The following SLC22A23 variants were observed in gnomAD, a reference collection of about 807,000 sequenced individuals.
SLC22A23 encodes solute carrier family 22 member 23.
Under a neutral mutation model 61.0 loss-of-function variants are expected in SLC22A23, and 26 were observed. The observed-to-expected ratio is 0.43, with a 90% confidence interval of 0.31 to 0.59. The LOEUF (loss-of-function observed/expected upper bound fraction) is 0.59. Among genes scored for constraint, SLC22A23 ranks in the 20% least tolerant of loss-of-function variants. The pLI, the probability that SLC22A23 is intolerant of heterozygous loss-of-function variation, is 0.11. For missense variants in SLC22A23, 796 were observed against 934.7 expected, an observed-to-expected ratio of 0.85 and a Z score of 1.94; for synonymous variants, 430 against 413.9, an observed-to-expected ratio of 1.04 and a Z score of -0.47.
Position 3,286,693 on chromosome 6 carries a change from C to T in SLC22A23, c.1546+166G>A, listed in dbSNP as rs757633064. ...CGGGAAGGCCCAGTGCCCTCTAAGG[C>T]GGGCTCCACAGATGCTCTCAACTGA... On this transcript the variant is annotated intron_variant, in intron 7 of 9. Coordinates refer to ENST00000406686, the MANE Select transcript of SLC22A23 (RefSeq NM_015482.2). This position sits in a 1 kb window ranked among gnomAD's most constrained non-coding sequence, Gnocchi z 4.2. Among the ~76,000 whole-genome samples the T allele has an allele frequency of 1.3e-5, 2 of 152,214 alleles. No individual in the cohort carries two copies. Among genetic ancestry groups the T allele is most frequent in the Non-Finnish European group, 2.9e-5 (2 of 68,046 alleles).
At chr6:3,292,569 C>T (rs1415308654) in intron 5 of SLC22A23, among the ~76,000 whole-genome samples, 2 of 152,194 alleles carry the variant, frequency 1.3e-5, no homozygotes, top group Non-Finnish European at 2.9e-5. Flanking sequence ...AAACCCACGT[C>T]GAGCCGACTG....
At position 3,456,045 on chromosome 6, in the gene SLC22A23, C is replaced by T. The variant is rs763978100; in HGVS notation, c.515G>A (p.Ser172Asn). Residue 172 changes from serine to asparagine, a missense_variant, in exon 1 of 10, where the codon AGC becomes AAC. Ser to Asn is a conservative substitution (Grantham distance 46). Transcript: ENST00000406686. The surrounding 1 kb of genome is among the most constrained non-coding windows in gnomAD (Gnocchi z 7.1). ...TAPWEAAGNR[S>N]NSSGADGGDT... ...GCCTCCGTCCGCGCCGCTGCTGTTG[C>T]TCCGGTTGCCCGCAGCCTCCCAGGG... 1.7e-5 allele frequency: 27 copies of T among 1,548,496 alleles called. No individual in the cohort carries two copies. Among genetic ancestry groups the T allele is most frequent in the East Asian group, 2.4e-5 (1 of 40,946 alleles).
Position 3,456,155 on chromosome 6 carries a change from G to A in SLC22A23, c.405C>T (p.Thr135=). The change falls in exon 1 of 10, where the codon ACC becomes ACT. Residue 135 remains threonine (T), a synonymous_variant. Coordinates refer to ENST00000406686, the MANE Select transcript of SLC22A23 (RefSeq NM_015482.2). The surrounding 1 kb of genome is among the most constrained non-coding windows in gnomAD (Gnocchi z 7.1). ...NFWCRGAGKG[T]ELAGVTTTGR... is the part of the protein sequence containing the mutation. ...CTGTGGTGGTGACCCCTGCCAGCTC[G>A]GTGCCTTTGCCGGCCCCGCGGCACC... The A allele has an allele frequency of 6.4e-7, 1 of 1,551,214 alleles. No homozygotes were observed. The highest frequency in any genetic ancestry group is 8.7e-7 in the Non-Finnish European group (1 of 1,146,844).
intron 3 of SLC22A23, among the ~76,000 whole-genome samples, chr6:3,375,988 C>A (rs1766535673): frequency 6.6e-6 from 1 of 152,158 alleles, no homozygotes; most frequent in Admixed American, 6.5e-5. Flanking sequence ...AATTCTATTT[C>A]TAGAAGGCAT....
At chr6:3,295,519 G>A (rs1196545757) in intron 5 of SLC22A23, among the ~76,000 whole-genome samples, 3 of 152,196 alleles carry the variant, frequency 2.0e-5, no homozygotes, top group African/African-American at 7.2e-5. Flanking sequence ...ATCAGATCAT[G>A]TGTGACCTGG....
chr6:3,387,667 T>C lies in SLC22A23; in HGVS notation c.913+22521A>G, dbSNP rs1401795514. The stretch of plus-strand genomic sequence containing the variant: ...GAGTGAAGGGCTTACAGAAAATCTC[T>C]GTACTGCCTTTGCCATTCCTCTGTA... On this transcript the variant is annotated intron_variant, in intron 3 of 9. Transcript: ENST00000406686. This position sits in a 1 kb window ranked among gnomAD's most constrained non-coding sequence, Gnocchi z 5.0. Among the ~76,000 whole-genome samples the C allele has an allele frequency of 6.6e-6, 1 of 152,268 alleles. No individual in the cohort carries two copies. Among genetic ancestry groups the C allele is most frequent in the Non-Finnish European group, 1.5e-5 (1 of 68,050 alleles).
chr6:3,435,609 T>G (rs1771156908), intron 1 of SLC22A23, among the ~76,000 whole-genome samples: 2 of 151,914 alleles, frequency 1.3e-5, no homozygotes, highest in Non-Finnish European at 2.9e-5. Context: ...GAAAGCCCAC[T>G]TACTGCAGAA....
intron 3 of SLC22A23, among the ~76,000 whole-genome samples, chr6:3,331,022 G>A (rs1000166190): frequency 1.3e-5 from 2 of 152,172 alleles, no homozygotes; most frequent in African/African-American, 4.8e-5. Context: ...AAATGCTTTG[G>A]GAGGTATTTT....
At chr6:3,348,947 C>A (rs1352561825) in intron 3 of SLC22A23, among the ~76,000 whole-genome samples, 1 of 152,220 alleles carries the variant, frequency 6.6e-6, no homozygotes, top group African/African-American at 2.4e-5. Flanking sequence ...GTCTCTCCAG[C>A]GTTCATCACC....
chr6:3,432,684 TC>T (rs1434061820), intron 1 of SLC22A23, among the ~76,000 whole-genome samples: 1 of 152,198 alleles, frequency 6.6e-6, no homozygotes, highest in Non-Finnish European at 1.5e-5. Context: ...CAAACATGCT[TC>T]CTGATGAAGT....
intron 1 of SLC22A23, chr6:3,439,309 G>C (rs2127548646): frequency 2.2e-6 from 1 of 451,736 alleles, no homozygotes; most frequent in East Asian, 7.1e-5. Context: ...CGTGGAAAGT[G>C]TCCAGAGAAC....
At chr6:3,444,537 C>T (rs1771781768) in intron 1 of SLC22A23, among the ~76,000 whole-genome samples, 1 of 152,194 alleles carries the variant, frequency 6.6e-6, no homozygotes, top group Non-Finnish European at 1.5e-5. Context: ...ACATGCAGCT[C>T]ATCTTCCACT....
At chr6:3,434,291 C>T (rs536855945) in intron 1 of SLC22A23, among the ~76,000 whole-genome samples, 33 of 151,906 alleles carry the variant, frequency 2.2e-4, no homozygotes, top group African/African-American at 7.5e-4. Context: ...CCACCCTGGG[C>T]GACAGAGCGA....
chr6:3,288,775 G>A lies in SLC22A23; in HGVS notation c.1313+989C>T, dbSNP rs546409892. 3.9e-5 allele frequency among the ~76,000 whole-genome samples: 6 copies of A among 152,394 alleles called. No homozygotes were observed. In the East Asian group the frequency reaches 1.2e-3, roughly 29 times the overall value. On this transcript the variant is annotated intron_variant, in intron 6 of 9. Transcript: ENST00000406686. Reference sequence around the variant, plus strand: ...AACCAGGCAGCAGCAGAGTGGCCAAGGCTGAGGCCCTGGGCTTGGCCTGAT... The same window carrying A: ...AACCAGGCAGCAGCAGAGTGGCCAAAGCTGAGGCCCTGGGCTTGGCCTGAT...
intron 4 of SLC22A23, among the ~76,000 whole-genome samples, chr6:3,306,643 A>G (rs539069686): frequency 3.0e-4 from 45 of 152,286 alleles, no homozygotes; most frequent in African/African-American, 1.1e-3. Flanking sequence ...CTAACAAGTG[A>G]TTGCTCTAAG....
intron 3 of SLC22A23, among the ~76,000 whole-genome samples, chr6:3,396,630 T>A (rs909979843): frequency 1.6e-4 from 24 of 151,950 alleles, no homozygotes; most frequent in Non-Finnish European, 5.9e-5. Flanking sequence ...GAGGAGCACA[T>A]CAGCAGAGGA....
intron 6 of SLC22A23, among the ~76,000 whole-genome samples, chr6:3,287,827 G>T (rs1203857682): frequency 6.6e-6 from 1 of 152,070 alleles, no homozygotes; most frequent in Non-Finnish European, 1.5e-5. Context: ...GGGATTACAG[G>T]CACCTGCCAC....
intron 3 of SLC22A23, among the ~76,000 whole-genome samples, chr6:3,359,392 A>G (rs547370415): frequency 6.6e-6 from 1 of 152,360 alleles, no homozygotes; most frequent in East Asian, 1.9e-4. Context: ...AAAACAAAAC[A>G]AAAACTGAAG....
chr6:3,446,558 A>G (rs540870126), intron 1 of SLC22A23, among the ~76,000 whole-genome samples: 43 of 152,262 alleles, frequency 2.8e-4, no homozygotes, highest in African/African-American at 1.0e-3. Flanking sequence ...AAAGGCCCCG[A>G]GTTTTCTATC....
Sources: allele counts gnomAD v4.1 joint callset (sites outside exome capture counted in the v4.1 genomes callset), GRCh38; gene constraint gnomAD v4.1.1; non-coding constraint Gnocchi (gnomAD v3.1); transcripts MANE v1.5; gene names NCBI Gene and HGNC (gene_info 2026-07-23, HGNC 2026-07-21).